RAB40B: variants seen among roughly 807,000 people sequenced by gnomAD.
The protein encoded by RAB40B is ras-related protein Rab-40B.
Under a neutral mutation model 24.0 loss-of-function variants are expected in RAB40B, and 21 were observed. The observed-to-expected ratio is 0.88, with a 90% CI of 0.62 to 1.26. The LOEUF (loss-of-function observed/expected upper bound fraction) is 1.26, where lower values mean the gene tolerates loss of function less well. Among genes scored for constraint, RAB40B ranks in the 50% most tolerant of loss-of-function variants. RAB40B has a pLI of 0.00. For synonymous variants in RAB40B, 167 were observed against 169.8 expected (o/e 0.98, Z 0.13); for missense variants, 348 against 390.5 (o/e 0.89, Z 0.92).
intron 1 of RAB40B, among the ~76,000 whole-genome samples, chr17:82,665,885 A>C (rs1317796164): frequency 7.5e-6 from 1 of 133,618 alleles, no homozygotes; most frequent in African/African-American, 2.7e-5. Context: ...CAACAAGAAC[A>C]ACAACAAAAA....
intron 1 of RAB40B, among the ~76,000 whole-genome samples, chr17:82,668,020 A>G (rs1047270287): frequency 8.5e-5 from 13 of 152,172 alleles, no homozygotes; most frequent in South Asian, 4.1e-4. Flanking sequence ...TCCTGCATCC[A>G]GGAAGAATGA....
intron 5 of RAB40B, 138 bp from the exon 6 acceptor site, chr17:82,658,272 T>C: frequency 1.6e-6 from 2 of 1,232,704 alleles, no homozygotes; most frequent in Admixed American, 2.6e-5. Context: ...CAGCAAGCCC[T>C]GCCGCGACGT....
rs963552619 is a variant in RAB40B, at chr17:82,688,790, C to T, written c.142+9665G>A. Among the ~76,000 whole-genome samples the T allele has an allele frequency of 1.3e-5, 2 of 152,148 alleles. 1 individual carries two copies. On this transcript the variant is annotated intron_variant, in intron 1 of 5. Coordinates refer to ENST00000571995, the MANE Select transcript of RAB40B (RefSeq NM_006822.3). ...CTTTACTAAAAATACAAAAATTAGC[C>T]GGGCATGGTGGTGCATGCCTGTAAT... is the stretch of plus-strand genomic sequence containing the variant.
At chr17:82,679,737 C>A (rs982583130) in intron 1 of RAB40B, among the ~76,000 whole-genome samples, 1 of 17,072 alleles carries the variant, frequency 5.9e-5, no homozygotes, top group Admixed American at 9.0e-4. Flanking sequence ...CTGCAGGTCA[C>A]CGAGCACAGG....
In RAB40B at chr17:82,663,659, C is replaced by A. The variant is rs1253754977; in HGVS notation, c.203+837G>T. 6.6e-6 allele frequency among the ~76,000 whole-genome samples: 1 copy of A among 152,220 alleles called. No individual in the cohort carries two copies. The highest frequency in any genetic ancestry group is 2.1e-4 in the South Asian group (1 of 4,832). On this transcript the variant is annotated intron_variant, in intron 2 of 5. Coordinates refer to ENST00000571995, the MANE Select transcript of RAB40B (RefSeq NM_006822.3). This position sits in a 1 kb window ranked among gnomAD's most constrained non-coding sequence, Gnocchi z 6.2. ...ACCTCCCCACGTCTGGGTCCTCCAC[C>A]CGCAGGCCCGACCACAGCCCCGCTG...
rs572809485 is a variant in RAB40B at position 82,665,313 on chromosome 17, C to T, written c.143-757G>A. Among the ~76,000 whole-genome samples, 219 of 151,452 alleles carry T rather than the reference C, an allele frequency of 1.4e-3. 1 individual carries two copies. Among genetic ancestry groups the T allele is most frequent in the African/African-American group, 5.2e-3 (214 of 41,186 alleles). On this transcript the variant is annotated intron_variant, in intron 1 of 5. Transcript: ENST00000571995. ...TGTCGCCCTGGCTGGAGTGCAGTGG[C>T]GTGATCACAGCTCACTGCAGCCTCC...
intron 1 of RAB40B, among the ~76,000 whole-genome samples, chr17:82,691,068 G>A (rs2046553025): frequency 6.6e-6 from 1 of 152,180 alleles, no homozygotes; most frequent in South Asian, 2.1e-4. Flanking sequence ...CAGAGGGGAG[G>A]GCCAGGCCCT....
At position 82,697,106 on chromosome 17, in the gene RAB40B, G is replaced by A. The variant is rs999396551; in HGVS notation, c.142+1349C>T. Among the ~76,000 whole-genome samples, 5 of 152,078 alleles carry A rather than the reference G, an allele frequency of 3.3e-5. No individual in the cohort carries two copies. The highest frequency in any genetic ancestry group is 7.4e-5 in the Non-Finnish European group (5 of 67,992). On this transcript the variant is annotated intron_variant, in intron 1 of 5. Transcript: ENST00000571995. The surrounding 1 kb of genome is among the most constrained non-coding windows in gnomAD (Gnocchi z 4.9). ...TCCCCCGCATGCTGCAGTTTCAGGA[G>A]GCCTCTGGGTGCTGGTCGTGAGCCC...
chr17:82,698,676 G>C lies in RAB40B; in HGVS notation c.-80C>G, dbSNP rs1272584755. ...CGGCGGCCCGGCCCCGAGAGGCGCC[G>C]CGCGGGCCCCGAGTCCTTGCTCGCC... On this transcript the variant is annotated 5_prime_UTR_variant, in exon 1 of 6. Coordinates refer to ENST00000571995, the MANE Select transcript of RAB40B (RefSeq NM_006822.3). 9.2e-7 allele frequency: 1 copy of C among 1,089,584 alleles called. No individual in the cohort carries two copies. Among genetic ancestry groups the C allele is most frequent in the Non-Finnish European group, 1.1e-6 (1 of 879,744 alleles). The allele number at this position is 1,089,584 out of a possible 1,614,324, so 67.5% of individuals were successfully genotyped here.
chr17:82,678,266 C>T (rs1226205207), intron 1 of RAB40B, among the ~76,000 whole-genome samples: 1 of 152,202 alleles, frequency 6.6e-6, no homozygotes, highest in Non-Finnish European at 1.5e-5. Context: ...TAGGATAATA[C>T]AATTCAAGCT....
chr17:82,668,417 AGTCT>A (rs2046286570), intron 1 of RAB40B: 1 of 154,066 alleles, frequency 6.5e-6, no homozygotes, highest in Non-Finnish European at 1.5e-5. Context: ...TCCACCCAGA[AGTCT>A]GTCTGCCTCC....
chr17:82,674,475 C>CAA (rs372664626), intron 1 of RAB40B, among the ~76,000 whole-genome samples: 3 of 142,292 alleles, frequency 2.1e-5, no homozygotes, highest in African/African-American at 7.9e-5. Flanking sequence ...AGTAAAAATA[C>CAA]AAAAAAAAAA....
chr17:82,671,363 A>AAC (rs532568776), intron 1 of RAB40B, among the ~76,000 whole-genome samples: 1 of 146,466 alleles, frequency 6.8e-6, no homozygotes, highest in Non-Finnish European at 1.5e-5. Flanking sequence ...CTGTAACTCT[A>AAC]ACACACACAC....
chr17:82,695,276 C>G (rs959386381), intron 1 of RAB40B, among the ~76,000 whole-genome samples: 6 of 151,010 alleles, frequency 4.0e-5, no homozygotes, highest in African/African-American at 7.4e-5. Context: ...ACTTCACCCT[C>G]CACCTCCTGG....
At chr17:82,677,084 G>A (rs1407347142) in intron 1 of RAB40B, among the ~76,000 whole-genome samples, 3 of 151,852 alleles carry the variant, frequency 2.0e-5, no homozygotes, top group Non-Finnish European at 4.4e-5. Context: ...GAGTAGCTGG[G>A]ATTACAGGCG....
At chr17:82,672,171 A>AAC (rs796925148) in intron 1 of RAB40B, among the ~76,000 whole-genome samples, 148 of 34,420 alleles carry the variant, frequency 4.3e-3, no homozygotes, top group African/African-American at 8.3e-3. Flanking sequence ...CTGTAACTCT[A>AAC]ACACACACTC....
Position 82,663,515 on chromosome 17 carries a change from C to T in RAB40B, c.203+981G>A, listed in dbSNP as rs926126893. ...GGAGGGAGAGGTGTTCCAAGCTGGC[C>T]CCAAGGTGGGGGTGCTGGGGGAGGG... On this transcript the variant is annotated intron_variant, in intron 2 of 5. Coordinates refer to ENST00000571995, the MANE Select transcript of RAB40B (RefSeq NM_006822.3). This position sits in a 1 kb window ranked among gnomAD's most constrained non-coding sequence, Gnocchi z 6.2. 7.2e-5 allele frequency among the ~76,000 whole-genome samples: 11 copies of T among 152,244 alleles called. No individual in the cohort carries two copies. Among genetic ancestry groups the T allele is most frequent in the Admixed American group, 2.6e-4 (4 of 15,300 alleles).
At chr17:82,683,820 A>AG (rs1469653991) in intron 1 of RAB40B, among the ~76,000 whole-genome samples, 1 of 150,394 alleles carries the variant, frequency 6.6e-6, no homozygotes, top group African/African-American at 2.4e-5. Flanking sequence ...AAAAAAAAAA[A>AG]AAAGAAAAGA....
intron 2 of RAB40B, chr17:82,662,837 C>T (rs1339724921): frequency 1.4e-5 from 14 of 985,094 alleles, no homozygotes; most frequent in African/African-American, 1.0e-4. Context: ...CAGCCAGACC[C>T]GGGGTGGAGC....
Sources: allele counts gnomAD v4.1 joint callset (sites outside exome capture counted in the v4.1 genomes callset), GRCh38; gene constraint gnomAD v4.1.1; non-coding constraint Gnocchi (gnomAD v3.1); transcripts MANE v1.5; gene names NCBI Gene and HGNC (gene_info 2026-07-23, HGNC 2026-07-21).